The following NAV1 variants were observed in gnomAD, a reference collection of about 807,000 sequenced individuals.
NAV1 encodes the protein neuron navigator 1, also known as pore membrane and/or filament interacting like protein 3.
In NAV1, 18 loss-of-function variants were observed where a neutral mutation model predicts 175.2. The ratio of observed to expected loss-of-function variants is 0.10; its 90% CI spans 0.07 to 0.15. The LOEUF (loss-of-function observed/expected upper bound fraction) is 0.15. Ranked by LOEUF, NAV1 falls within the 10% of genes least tolerant of loss-of-function variation. The probability of loss-of-function intolerance (pLI) is 1.00; values close to 1 mark genes in which losing one functional copy is unlikely to be tolerated. For missense variants in NAV1, 1,731 were observed against 2,436.6 expected, an observed-to-expected ratio of 0.71 and a Z score of 6.10; for synonymous variants, 897 against 978.7, an observed-to-expected ratio of 0.92 and a Z score of 1.56.
intron 1 of NAV1, among the ~76,000 whole-genome samples, chr1:201,568,139 C>T (rs1426787113): frequency 6.6e-6 from 1 of 152,094 alleles, no homozygotes; most frequent in African/African-American, 2.4e-5. Context: ...AGGCTGTGGG[C>T]TGGGGTGAAA....
At chr1:201,751,955 G>A (rs1045337193) in intron 3 of NAV1, among the ~76,000 whole-genome samples, 3 of 152,286 alleles carry the variant, frequency 2.0e-5, no homozygotes, top group African/African-American at 7.2e-5. Flanking sequence ...ATAGGTGAGA[G>A]ATGTGCTTAC....
At chr1:201,762,936 C>T (rs1056445896) in intron 3 of NAV1, among the ~76,000 whole-genome samples, 4 of 151,938 alleles carry the variant, frequency 2.6e-5, no homozygotes, top group Admixed American at 1.3e-4. Flanking sequence ...CATTTTCATC[C>T]CTTTCCAAAA....
intron 1 of NAV1, among the ~76,000 whole-genome samples, chr1:201,707,899 G>A (rs987030987): frequency 9.2e-5 from 14 of 152,340 alleles, no homozygotes; most frequent in African/African-American, 3.4e-4. Context: ...GCATGTGCAT[G>A]TATTTTGAAA....
At chr1:201,733,899 G>C (rs1435063953) in intron 3 of NAV1, among the ~76,000 whole-genome samples, 1 of 152,190 alleles carries the variant, frequency 6.6e-6, no homozygotes, top group East Asian at 1.9e-4. Context: ...TTCCAAGAGA[G>C]AGGAAGCTAC....
intron 3 of NAV1, among the ~76,000 whole-genome samples, chr1:201,752,718 G>A (rs1185425177): frequency 6.6e-6 from 1 of 152,034 alleles, no homozygotes; most frequent in African/African-American, 2.4e-5. Flanking sequence ...AGACAGAGAG[G>A]CGAGGTAGGG....
At chr1:201,794,039 T>C in intron 14 of NAV1, 164 bp downstream of exon 18, 1 of 717,830 alleles carries the variant, frequency 1.4e-6, no homozygotes, top group East Asian at 2.7e-5. Context: ...TGTGAGCATA[T>C]TCCTTATCCC....
Position 201,812,791 on chromosome 1 carries a change from G to A in NAV1, c.5221+130G>A. The A allele has an allele frequency of 2.5e-6, 2 of 812,050 alleles. No homozygotes were observed. The highest frequency in any genetic ancestry group is 3.9e-6 in the Non-Finnish European group (2 of 509,800). The allele number at this position is 812,050 out of a possible 1,614,324, so 50.3% of individuals were successfully genotyped here. ...AGGAGCTGCAAGCCTTGTGGCTTCA[G>A]ACTTAGAACCACTTAACGAGCCTTC... On this transcript the variant is annotated intron_variant, in intron 27 of 29. Transcript: ENST00000367296. This position sits in a 1 kb window ranked among gnomAD's most constrained non-coding sequence, Gnocchi z 4.6.
intron 3 of NAV1, 62 bp from the exon 8 acceptor site, chr1:201,780,359 A>T: frequency 6.3e-7 from 1 of 1,599,806 alleles, no homozygotes; most frequent in Non-Finnish European, 8.6e-7. Context: ...TCAATGTGAA[A>T]CATTTATTTT....
At position 201,722,352 on chromosome 1, in the gene NAV1, A is replaced by G. The variant is rs115784749; in HGVS notation, c.1226+3597A>G. ...GTAACCCATATAAGTGGAATCATAC[A>G]GTCTTTGTTGTTGTTGTTGTTTAAT... On this transcript the variant is annotated intron_variant, in intron 3 of 29. Transcript: ENST00000367296. Among the ~76,000 whole-genome samples the G allele has an allele frequency of 6.5e-3, 996 of 152,238 alleles. 9 individuals are homozygous for G. Among genetic ancestry groups the G allele is most frequent in the African/African-American group, 0.023 (942 of 41,518 alleles).
At chr1:201,608,985 G>A (rs1297656012) in intron 2 of NAV1, among the ~76,000 whole-genome samples, 1 of 152,214 alleles carries the variant, frequency 6.6e-6, no homozygotes, top group African/African-American at 2.4e-5. Context: ...AGCAGCCGAT[G>A]GAACAAGAGA....
At position 201,807,844 on chromosome 1, in the gene NAV1, G is replaced by A. The variant is rs1678399510; in HGVS notation, c.3649-109G>A. On this transcript the variant is annotated intron_variant, in intron 17 of 29. Coordinates refer to ENST00000367296, the Ensembl canonical transcript of NAV1. This position sits in a 1 kb window ranked among gnomAD's most constrained non-coding sequence, Gnocchi z 5.4. Reference sequence around the variant, plus strand: ...TGTTATAGAGGGTGGCTTAATTAAAGTAAATCCCCCGCCTCCAGCTCTCTC... The same window carrying A: ...TGTTATAGAGGGTGGCTTAATTAAAATAAATCCCCCGCCTCCAGCTCTCTC... 47 of 1,084,848 alleles carry A rather than the reference G, an allele frequency of 4.3e-5. 2 individuals are homozygous for A. In the South Asian group the frequency reaches 6.1e-4, roughly 14 times the overall value. 67.2% of individuals were successfully genotyped at this position (1,084,848 alleles called of 1,614,324 possible).
intron 3 of NAV1, among the ~76,000 whole-genome samples, chr1:201,720,882 C>T (rs1041233664): frequency 6.6e-6 from 1 of 151,654 alleles, no homozygotes; most frequent in Non-Finnish European, 1.5e-5. Context: ...GACCAGAGTC[C>T]CACTTACTCA....
intron 1 of NAV1, among the ~76,000 whole-genome samples, chr1:201,668,513 C>T (rs1227053113): frequency 2.6e-5 from 4 of 152,124 alleles, no homozygotes; most frequent in Non-Finnish European, 5.9e-5. Flanking sequence ...CTGCCTGTGT[C>T]CTAGCCCCTC....
At position 201,782,103 on chromosome 1, in the gene NAV1, A is replaced by C; in HGVS notation, c.1664-73A>C. 5.3e-6 allele frequency: 7 copies of C among 1,322,658 alleles called. No homozygotes were observed. The highest frequency in any genetic ancestry group is 7.3e-6 in the Non-Finnish European group (7 of 963,522). 81.9% of individuals were successfully genotyped at this position (1,322,658 alleles called of 1,614,324 possible). A position where few individuals can be genotyped will look rare whatever the true frequency, so the allele number is the denominator to read the frequency against. ...TGGACAATGTTCCCTTCTCCCATGG[A>C]GGGAAAGAAAAGGGTGGGTTTTTAA... On this transcript the variant is annotated intron_variant, in intron 5 of 29. Transcript: ENST00000367296. The surrounding 1 kb of genome is among the most constrained non-coding windows in gnomAD (Gnocchi z 5.4).
At chr1:201,713,710 T>C (rs899605173) in intron 2 of NAV1, among the ~76,000 whole-genome samples, 8 of 152,046 alleles carry the variant, frequency 5.3e-5, no homozygotes, top group Admixed American at 1.3e-4. Context: ...TGGGAAATCA[T>C]GGGGGGTGTG....
intron 1 of NAV1, among the ~76,000 whole-genome samples, chr1:201,684,277 C>T (rs1011821308): frequency 6.6e-6 from 1 of 152,002 alleles, no homozygotes; most frequent in Admixed American, 6.6e-5. Context: ...GTGCCTATTG[C>T]TATCACTGTG....
At chr1:201,628,427 GGAGAA>G (rs1668397467) in intron 1 of NAV1, among the ~76,000 whole-genome samples, 1 of 151,200 alleles carries the variant, frequency 6.6e-6, no homozygotes, top group African/African-American at 2.4e-5. Flanking sequence ...GACCCAGAGA[GGAGAA>G]GAGATCTACT....
At chr1:201,759,373 T>C (rs1219761151) in intron 3 of NAV1, among the ~76,000 whole-genome samples, 1 of 152,226 alleles carries the variant, frequency 6.6e-6, no homozygotes, top group East Asian at 1.9e-4. Flanking sequence ...AGCTAGATAT[T>C]GCATCAACTT....
At chr1:201,665,169 C>T (rs536042888) in intron 1 of NAV1, among the ~76,000 whole-genome samples, 1 of 152,082 alleles carries the variant, frequency 6.6e-6, no homozygotes, top group Non-Finnish European at 1.5e-5. Context: ...GCTCCCCCCG[C>T]ACCCTGCCCC....
Sources: gnomAD v4.1 joint callset for allele counts (sites outside exome capture counted in the v4.1 genomes callset) on GRCh38, gnomAD v4.1.1 for gene constraint, Gnocchi (gnomAD v3.1) non-coding constraint, MANE v1.5 for transcripts, NCBI Gene and HGNC (gene_info 2026-07-23, HGNC 2026-07-21) for gene names.